Variants in GALNTL6 observed in about 807,000 individuals in gnomAD.
GALNTL6 encodes polypeptide N-acetylgalactosaminyltransferase like 6.
A neutral mutation model predicts 73.7 loss-of-function variants in GALNTL6; 46 were observed. That is an observed-to-expected ratio of 0.62 (90% confidence interval 0.49 to 0.80). The LOEUF (loss-of-function observed/expected upper bound fraction) is 0.80. Ranked by LOEUF, GALNTL6 falls within the 30% of genes least tolerant of loss-of-function variation. The pLI is 0.00. For synonymous variants in GALNTL6, 259 were observed against 263.7 expected (o/e 0.98, Z 0.17); for missense variants, 604 against 755.0 (o/e 0.80, Z 2.34).
chr4:172,827,037 G>A (rs142389286), intron 7 of GALNTL6, among the ~76,000 whole-genome samples: 9 of 152,158 alleles, frequency 5.9e-5, no homozygotes, highest in African/African-American at 1.9e-4. Flanking sequence ...TTTCAGATTG[G>A]ATGCAGCAGA....
chr4:171,941,204 T>C (rs1312392611), intron 2 of GALNTL6, among the ~76,000 whole-genome samples: 1 of 152,240 alleles, frequency 6.6e-6, no homozygotes, highest in Non-Finnish European at 1.5e-5. Context: ...AAGCTCTCTG[T>C]ATTGTGAGTG....
chr4:172,984,501 G>A (rs1406960794), intron 10 of GALNTL6, among the ~76,000 whole-genome samples: 4 of 152,164 alleles, frequency 2.6e-5, no homozygotes, highest in Admixed American at 6.5e-5. Flanking sequence ...TTTGGGGGGC[G>A]GGGAGCACAG....
At chr4:172,252,221 A>T (rs912583447) in intron 3 of GALNTL6, among the ~76,000 whole-genome samples, 1 of 152,176 alleles carries the variant, frequency 6.6e-6, no homozygotes, top group African/African-American at 2.4e-5. Context: ...TTTTAAAAAG[A>T]CACAGCTTAG....
chr4:172,347,660 A>G (rs1262873618), intron 4 of GALNTL6, among the ~76,000 whole-genome samples: 1 of 152,120 alleles, frequency 6.6e-6, no homozygotes, highest in Non-Finnish European at 1.5e-5. Context: ...CATATTATAT[A>G]TATTTTTTGA....
In GALNTL6 at chr4:172,003,201, A is replaced by G. The variant is rs1198087835; in HGVS notation, c.138+188483A>G. 2.0e-5 allele frequency among the ~76,000 whole-genome samples: 3 copies of G among 152,204 alleles called. No individual in the cohort carries two copies. In the East Asian group the frequency reaches 5.8e-4, roughly 29 times the overall value. Reference sequence around the variant, plus strand: ...AAATACAGACAATTTTGCATTTTTTATAACCATATGAAAACTCTTTGGAGT... The same window carrying G: ...AAATACAGACAATTTTGCATTTTTTGTAACCATATGAAAACTCTTTGGAGT... On this transcript the variant is annotated intron_variant, in intron 2 of 12. Transcript: ENST00000506823.
chr4:172,853,525 C>T (rs556875105), intron 7 of GALNTL6, among the ~76,000 whole-genome samples: 8 of 152,148 alleles, frequency 5.3e-5, no homozygotes, highest in Admixed American at 1.3e-4. Context: ...TTGGGTGTCC[C>T]AGGCTTTCGT....
At chr4:172,146,726 G>A (rs143912531) in intron 2 of GALNTL6, among the ~76,000 whole-genome samples, 7 of 152,256 alleles carry the variant, frequency 4.6e-5, no homozygotes, top group African/African-American at 1.7e-4. Context: ...TGTCAGGGCA[G>A]GGACCCAGTG....
At chr4:171,891,040 C>CT (rs34617445) in intron 2 of GALNTL6, among the ~76,000 whole-genome samples, 81,813 of 151,864 alleles carry the variant, frequency 0.54, 23,462 homozygotes, top group African/African-American at 0.75. Flanking sequence ...CCTTCTCCTA[C>CT]TCAGGCTTGC....
intron 2 of GALNTL6, among the ~76,000 whole-genome samples, chr4:172,012,463 GT>G (rs1237163360): frequency 6.6e-6 from 1 of 151,920 alleles, no homozygotes; most frequent in Admixed American, 6.6e-5. Flanking sequence ...TTTCTGTGAT[GT>G]TTTTTTCTCT....
chr4:172,451,049 GCACACA>G (rs1732190593), intron 5 of GALNTL6, among the ~76,000 whole-genome samples: 1 of 152,184 alleles, frequency 6.6e-6, no homozygotes, highest in African/African-American at 2.4e-5. Flanking sequence ...ACTCTGTTCA[GCACACA>G]GTATGCATCC....
chr4:172,959,821 C>T (rs919402930), intron 10 of GALNTL6, among the ~76,000 whole-genome samples: 2 of 152,180 alleles, frequency 1.3e-5, no homozygotes, highest in African/African-American at 4.8e-5. Context: ...GGCCAGATAT[C>T]CAGCACTTGT....
intron 5 of GALNTL6, among the ~76,000 whole-genome samples, chr4:172,653,187 A>T (rs1396736269): frequency 2.7e-5 from 4 of 149,308 alleles, no homozygotes; most frequent in Non-Finnish European, 3.0e-5. Context: ...CGTTGGCTAA[A>T]CTATTGCACT....
At chr4:172,135,564 C>T (rs530596696) in intron 2 of GALNTL6, among the ~76,000 whole-genome samples, 5 of 152,180 alleles carry the variant, frequency 3.3e-5, no homozygotes, top group South Asian at 4.2e-4. Context: ...TCATAGTTAG[C>T]GTCCTTCAGG....
chr4:172,560,971 C>T (rs751966829), intron 5 of GALNTL6, among the ~76,000 whole-genome samples: 4 of 152,030 alleles, frequency 2.6e-5, no homozygotes, highest in African/African-American at 7.3e-5. Context: ...AAATATTGCC[C>T]GGCCGGGCGC....
At chr4:171,873,063 G>A (rs2110898188) in intron 2 of GALNTL6, among the ~76,000 whole-genome samples, 1 of 152,278 alleles carries the variant, frequency 6.6e-6, no homozygotes, top group South Asian at 2.1e-4. Context: ...ATGTGCATAT[G>A]TGTGCGCTCA....
intron 10 of GALNTL6, among the ~76,000 whole-genome samples, chr4:172,991,045 G>A (rs1751516841): frequency 6.6e-6 from 1 of 152,050 alleles, no homozygotes; most frequent in Non-Finnish European, 1.5e-5. Context: ...TTTGATTTTG[G>A]AAAGTTTGTC....
Position 172,809,221 on chromosome 4 carries a change from A to G in GALNTL6, c.554-140A>G. On this transcript the variant is annotated intron_variant, in intron 5 of 12. Transcript: ENST00000506823. The surrounding 1 kb of genome is among the most constrained non-coding windows in gnomAD (Gnocchi z 4.4). ...TGTAAAATCTAAAAATCTTACTAGT[A>G]TCTCCCATCTAGATGAGGAGACAAG... 3.1e-6 allele frequency: 2 copies of G among 646,172 alleles called. No homozygotes were observed. Among genetic ancestry groups the G allele is most frequent in the South Asian group, 2.0e-5 (1 of 49,146 alleles). The allele number at this position is 646,172 out of a possible 1,614,324, so 40.0% of individuals were successfully genotyped here. A position where few individuals can be genotyped will look rare whatever the true frequency, so the allele number is the denominator to read the frequency against.
chr4:171,924,744 G>C (rs922196345), intron 2 of GALNTL6, among the ~76,000 whole-genome samples: 2 of 152,174 alleles, frequency 1.3e-5, no homozygotes, highest in Admixed American at 6.5e-5. Context: ...AGAAGACAGA[G>C]TGGCACCCAT....
At chr4:172,805,623 G>C (rs1020961818) in intron 5 of GALNTL6, among the ~76,000 whole-genome samples, 1 of 152,040 alleles carries the variant, frequency 6.6e-6, no homozygotes, top group African/African-American at 2.4e-5. Flanking sequence ...GATCTGCCTG[G>C]CTTATAAATA....
Sources: allele counts gnomAD v4.1 joint callset (sites outside exome capture counted in the v4.1 genomes callset), GRCh38; gene constraint gnomAD v4.1.1; non-coding constraint Gnocchi (gnomAD v3.1); transcripts MANE v1.5; gene names NCBI Gene and HGNC (gene_info 2026-07-23, HGNC 2026-07-21).